The following DLGAP2 variants were observed in gnomAD, a reference collection of about 807,000 sequenced individuals.
DLGAP2 encodes disks large-associated protein 2.
In DLGAP2, 26 loss-of-function variants were observed where a neutral mutation model predicts 100.3. That is an observed-to-expected ratio of 0.26 (90% CI 0.19 to 0.36). The LOEUF (loss-of-function observed/expected upper bound fraction) is 0.36, where lower values mean the gene tolerates loss of function less well. DLGAP2 is among the 10% of genes least tolerant of loss of function. DLGAP2 has a pLI of 1.00. For synonymous variants in DLGAP2, 886 were observed against 630.1 expected, an observed-to-expected ratio of 1.41 and a Z score of -6.08; for missense variants, 1,858 against 1,453.2, an observed-to-expected ratio of 1.28 and a Z score of -4.53.
intron 2 of DLGAP2, among the ~76,000 whole-genome samples, chr8:960,325 T>G (rs572586358): frequency 3.6e-5 from 5 of 139,798 alleles, no homozygotes; most frequent in African/African-American, 1.3e-4. Context: ...AACCTCCACC[T>G]CCTGGCTTCA....
At chr8:740,397 T>C (rs997889139) in intron 1 of DLGAP2, 1 of 152,228 alleles carries the variant, frequency 6.6e-6, no homozygotes, top group Non-Finnish European at 1.5e-5. Flanking sequence ...CTTTTGTTAC[T>C]TGTGATTTAA....
chr8:861,020 G>T (rs1454529781), intron 1 of DLGAP2, among the ~76,000 whole-genome samples: 1 of 152,144 alleles, frequency 6.6e-6, no homozygotes, highest in African/African-American at 2.4e-5. Context: ...AGGCCCTGAG[G>T]TTGATGTGTT....
intron 2 of DLGAP2, among the ~76,000 whole-genome samples, chr8:1,214,730 G>T (rs1448590811): frequency 1.3e-5 from 2 of 152,226 alleles, no homozygotes; most frequent in African/African-American, 4.8e-5. Context: ...GACACAGCAG[G>T]TGTGCCTTAA....
chr8:1,287,286 G>GT (rs1799947034), intron 3 of DLGAP2, among the ~76,000 whole-genome samples: 1 of 75,338 alleles, frequency 1.3e-5, no homozygotes, highest in Admixed American at 1.4e-4. Flanking sequence ...GTGTGTGGTT[G>GT]TTAGGAGGGG....
At chr8:1,458,025 T>A (rs917906409) in intron 3 of DLGAP2, among the ~76,000 whole-genome samples, 2 of 141,802 alleles carry the variant, frequency 1.4e-5, no homozygotes, top group Non-Finnish European at 3.1e-5. Context: ...ATTTTTTATA[T>A]GTGTGTATAT....
At chr8:1,340,474 G>GA (rs1343283444) in intron 3 of DLGAP2, among the ~76,000 whole-genome samples, 2 of 152,212 alleles carry the variant, frequency 1.3e-5, no homozygotes, top group Non-Finnish European at 2.9e-5. Context: ...GTCGTTTGAA[G>GA]AAAAGCTCAA....
intron 2 of DLGAP2, among the ~76,000 whole-genome samples, chr8:931,926 G>C (rs570928694): frequency 1.3e-5 from 2 of 152,308 alleles, no homozygotes; most frequent in Non-Finnish European, 2.9e-5. Context: ...AGTAACCGAG[G>C]GGATGTTTGG....
chr8:1,464,253 GCTCCCTTC>G (rs1563164785), intron 3 of DLGAP2, among the ~76,000 whole-genome samples: 13,188 of 62,126 alleles, frequency 0.21, 3,022 homozygotes, highest in East Asian at 0.52. Context: ...TTCCAGGACG[GCTCCCTTC>G]CAGGACGGCA....
At chr8:782,106 T>G (rs894209992) in intron 1 of DLGAP2, among the ~76,000 whole-genome samples, 1 of 152,084 alleles carries the variant, frequency 6.6e-6, no homozygotes, top group African/African-American at 2.4e-5. Context: ...AAAAGATGAA[T>G]GAGGTGAAAG....
intron 3 of DLGAP2, among the ~76,000 whole-genome samples, chr8:1,443,823 G>C (rs1003234369): frequency 6.6e-6 from 1 of 152,164 alleles, no homozygotes; most frequent in African/African-American, 2.4e-5. Flanking sequence ...AATTCAAGAT[G>C]AGATTTGGGC....
intron 2 of DLGAP2, among the ~76,000 whole-genome samples, chr8:1,090,891 T>C (rs1203872559): frequency 1.3e-5 from 2 of 152,256 alleles, no homozygotes; most frequent in Non-Finnish European, 1.5e-5. Flanking sequence ...TTCTATAATT[T>C]CTATGATTTC....
chr8:1,044,313 G>A (rs1802456694), intron 2 of DLGAP2, among the ~76,000 whole-genome samples: 1 of 152,172 alleles, frequency 6.6e-6, no homozygotes, highest in Non-Finnish European at 1.5e-5. Context: ...ACTCTCCCTG[G>A]GCAAAACTCA....
At chr8:761,578 G>A (rs1290928392) in intron 1 of DLGAP2, among the ~76,000 whole-genome samples, 1 of 152,224 alleles carries the variant, frequency 6.6e-6, no homozygotes, top group South Asian at 2.1e-4. Flanking sequence ...GGGGGATCCT[G>A]GCCGGGATGG....
intron 1 of DLGAP2, among the ~76,000 whole-genome samples, chr8:773,687 T>A (rs1486581433): frequency 6.6e-6 from 1 of 152,064 alleles, no homozygotes; most frequent in Admixed American, 6.6e-5. Context: ...TCATCATTTT[T>A]TATGGCTGCA....
At chr8:1,151,164 C>T (rs1389410560) in intron 2 of DLGAP2, among the ~76,000 whole-genome samples, 1 of 152,166 alleles carries the variant, frequency 6.6e-6, no homozygotes, top group Non-Finnish European at 1.5e-5. Flanking sequence ...CACTTAACCA[C>T]GTCCCTGCAG....
Position 1,073,928 on chromosome 8 carries a change from A to C in DLGAP2, c.73+165962A>C, listed in dbSNP as rs145744042. Among the ~76,000 whole-genome samples the C allele has an allele frequency of 4.2e-4, 63 of 151,214 alleles. 2 individuals carry two copies. Among genetic ancestry groups the C allele is most frequent in the Middle Eastern group, 3.4e-3 (1 of 292 alleles). ...CGGCTGCGTATTCAGGATTCACTGTAACAGAAGGGTTTGCAGCAGAGTGAG... is the reference window on the plus strand; with the variant it reads ...CGGCTGCGTATTCAGGATTCACTGTCACAGAAGGGTTTGCAGCAGAGTGAG... On this transcript the variant is annotated intron_variant, in intron 2 of 14. Coordinates refer to ENST00000637795, the MANE Select transcript of DLGAP2 (RefSeq NM_001346810.2).
chr8:788,901 C>G (rs1290146795), intron 1 of DLGAP2, among the ~76,000 whole-genome samples: 2 of 152,180 alleles, frequency 1.3e-5, no homozygotes, highest in African/African-American at 4.8e-5. Flanking sequence ...TGGTGAGACA[C>G]CTTTAGCCTC....
At chr8:1,667,954 A>C (rs916484512) in intron 8 of DLGAP2, among the ~76,000 whole-genome samples, 9 of 141,674 alleles carry the variant, frequency 6.4e-5, no homozygotes, top group Non-Finnish European at 9.1e-5. Flanking sequence ...CCGCTGCTGG[A>C]TTTGTTGGTA....
chr8:846,429 T>C (rs1460864515), intron 1 of DLGAP2, among the ~76,000 whole-genome samples: 8 of 152,216 alleles, frequency 5.3e-5, no homozygotes, highest in Admixed American at 5.2e-4. Context: ...TTAACATATG[T>C]CCTTTATATT....
Sources: allele counts gnomAD v4.1 joint callset (sites outside exome capture counted in the v4.1 genomes callset), GRCh38; gene constraint gnomAD v4.1.1; transcripts MANE v1.5; gene names NCBI Gene and HGNC (gene_info 2026-07-23, HGNC 2026-07-21).